Variants in FAM193A observed in about 807,000 individuals in gnomAD.
FAM193A encodes the protein protein FAM193A.
FAM193A carries 22 observed loss-of-function variants against 126.5 expected under a neutral mutation model. The ratio of observed to expected loss-of-function variants is 0.17; its 90% CI spans 0.12 to 0.25. The LOEUF is 0.25. FAM193A is among the 10% of genes least tolerant of loss of function. The pLI is 1.00. For synonymous variants in FAM193A, 761 were observed against 646.8 expected (o/e 1.18, Z -2.68); for missense variants, 1,675 against 1,672.8 (o/e 1.00, Z -0.02).
chr4:2,639,971 A>G, intron 6 of FAM193A, 112 bp downstream of exon 6: 3 of 1,048,272 alleles, frequency 2.9e-6, no homozygotes, highest in Non-Finnish European at 4.0e-6. Context: ...TGCAGGAAAA[A>G]TAACAGGGCT....
chr4:2,691,799 A>G (rs1474471420), intron 15 of FAM193A, among the ~76,000 whole-genome samples: 2 of 152,200 alleles, frequency 1.3e-5, no homozygotes, highest in East Asian at 3.9e-4. Context: ...AGTTAAAAAA[A>G]CAGGAAGTTT....
chr4:2,700,574 T>C, intron 19 of FAM193A, 30 bp downstream of exon 19: 1 of 1,586,056 alleles, frequency 6.3e-7, no homozygotes, highest in Non-Finnish European at 8.6e-7. Flanking sequence ...AAGGTATTTC[T>C]GAGCGATGCC....
intron 13 of FAM193A, among the ~76,000 whole-genome samples, chr4:2,685,766 G>A (rs115990459): frequency 0.015 from 2,345 of 152,350 alleles, 48 homozygotes; most frequent in African/African-American, 0.053. Context: ...CCGAGTGGGT[G>A]TGGGTGGTAG....
chr4:2,615,506 T>TTTTTA (rs1005688395), intron 2 of FAM193A, among the ~76,000 whole-genome samples: 38 of 152,170 alleles, frequency 2.5e-4, no homozygotes, highest in African/African-American at 6.5e-4. Flanking sequence ...CAGAAGTATG[T>TTTTTA]TTTTATTTTA....
At chr4:2,697,402 A>G (rs1441233117) in intron 18 of FAM193A, among the ~76,000 whole-genome samples, 1 of 152,174 alleles carries the variant, frequency 6.6e-6, no homozygotes, top group Non-Finnish European at 1.5e-5. Flanking sequence ...AAATGCCCCT[A>G]TGCTGGAGCA....
intron 13 of FAM193A, among the ~76,000 whole-genome samples, chr4:2,685,718 G>A (rs1168921985): frequency 3.3e-5 from 5 of 152,290 alleles, no homozygotes; most frequent in Admixed American, 1.3e-4. Flanking sequence ...CTCAGTCTGC[G>A]GCTCTTGCTC....
chr4:2,610,909 G>A (rs1462480763), intron 2 of FAM193A, among the ~76,000 whole-genome samples: 1 of 152,048 alleles, frequency 6.6e-6, no homozygotes, highest in Non-Finnish European at 1.5e-5. Context: ...AGCTAGTTGT[G>A]TATTTTTAGT....
chr4:2,572,271 G>T (rs568705550), intron 1 of FAM193A, among the ~76,000 whole-genome samples: 1 of 150,800 alleles, frequency 6.6e-6, no homozygotes, highest in South Asian at 2.1e-4. Flanking sequence ...AGAGGTTGCC[G>T]TGAGCCAAGA....
At chr4:2,632,312 T>G (rs1407678166) in intron 5 of FAM193A, among the ~76,000 whole-genome samples, 1 of 152,146 alleles carries the variant, frequency 6.6e-6, no homozygotes, top group Non-Finnish European at 1.5e-5. Context: ...ATACCTGTAA[T>G]CCTCGCACTT....
chr4:2,696,521 T>C lies in FAM193A; in HGVS notation c.3435T>C (p.Phe1145=). 2 of 1,614,240 alleles carry C rather than the reference T, an allele frequency of 1.2e-6. No homozygotes were observed. Among genetic ancestry groups the C allele is most frequent in the East Asian group, 2.2e-5 (1 of 44,890 alleles). The part of the protein sequence containing the change: ...DHRRVEDLLQ[F]INSSETKPVS... ...GGAGGGTGGAGGATTTGTTGCAGTT[T>C]ATAAATAGCTCCGAAACCAAACCAG... The change falls in exon 18 of 21, where the codon TTT becomes TTC. Residue 1145 remains phenylalanine (F), a synonymous_variant. Coordinates refer to ENST00000637812, the MANE Select transcript of FAM193A (RefSeq NM_001366318.2).
intron 1 of FAM193A, among the ~76,000 whole-genome samples, chr4:2,542,912 T>C (rs1219970620): frequency 1.3e-5 from 2 of 152,088 alleles, no homozygotes; most frequent in African/African-American, 2.4e-5. Flanking sequence ...AGAGGGTGTT[T>C]CTGCATGTGG....
chr4:2,725,857 G>A (rs948421007), intron 20 of FAM193A, among the ~76,000 whole-genome samples: 2 of 151,858 alleles, frequency 1.3e-5, no homozygotes, highest in African/African-American at 4.8e-5. Context: ...GACTACAGGC[G>A]TGGGCCACCA....
chr4:2,682,978 C>T (rs1242927112), intron 13 of FAM193A, among the ~76,000 whole-genome samples: 2 of 152,188 alleles, frequency 1.3e-5, no homozygotes, highest in East Asian at 3.8e-4. Flanking sequence ...TTCTGACCTT[C>T]TATCTGAAGG....
chr4:2,653,412 C>G (rs1277581267), intron 7 of FAM193A, among the ~76,000 whole-genome samples: 8 of 152,180 alleles, frequency 5.3e-5, no homozygotes, highest in Middle Eastern at 6.8e-3. Flanking sequence ...GAAAACCAGT[C>G]TCTTCACTAA....
intron 2 of FAM193A, among the ~76,000 whole-genome samples, chr4:2,606,695 G>A (rs1316533878): frequency 6.6e-6 from 1 of 152,138 alleles, no homozygotes; most frequent in East Asian, 1.9e-4. Context: ...GTTTACTAAG[G>A]TAGACAGATT....
In FAM193A at chr4:2,731,938, C is replaced by A; in HGVS notation, c.*70C>A. Reference sequence around the variant, plus strand: ...GCACCACCCCAAGAGCCACGCCCCTCGCTGGCGCCCCAGAGCCGTGGTGCT... The same window carrying A: ...GCACCACCCCAAGAGCCACGCCCCTAGCTGGCGCCCCAGAGCCGTGGTGCT... On this transcript the variant is annotated 3_prime_UTR_variant, in exon 21 of 21. Coordinates refer to ENST00000637812, the MANE Select transcript of FAM193A (RefSeq NM_001366318.2). 1 of 1,181,810 alleles carries A rather than the reference C, an allele frequency of 8.5e-7. No homozygotes were observed. The highest frequency in any genetic ancestry group is 1.2e-5 in the South Asian group (1 of 82,360). 73.2% of individuals were successfully genotyped at this position (1,181,810 alleles called of 1,614,324 possible). A position where few individuals can be genotyped will look rare whatever the true frequency, so the allele number is the denominator to read the frequency against.
At chr4:2,564,091 ATTTG>A (rs1738791341) in intron 1 of FAM193A, among the ~76,000 whole-genome samples, 1 of 151,944 alleles carries the variant, frequency 6.6e-6, no homozygotes, top group African/African-American at 2.4e-5. Context: ...TATTTATTAT[ATTTG>A]TTTATTTTTT....
At chr4:2,639,452 C>T (rs111718452) in intron 5 of FAM193A, among the ~76,000 whole-genome samples, 16 of 152,238 alleles carry the variant, frequency 1.1e-4, no homozygotes, top group African/African-American at 3.9e-4. Context: ...TGCTTTGTCT[C>T]TGTGCACACC....
chr4:2,636,547 A>T (rs949730205), intron 5 of FAM193A, among the ~76,000 whole-genome samples: 5 of 152,136 alleles, frequency 3.3e-5, no homozygotes, highest in Non-Finnish European at 5.9e-5. Context: ...TTCTCTACTT[A>T]TACATGGTTT....
Sources: gnomAD v4.1 joint callset for allele counts (sites outside exome capture counted in the v4.1 genomes callset) on GRCh38, gnomAD v4.1.1 for gene constraint, MANE v1.5 for transcripts, NCBI Gene and HGNC (gene_info 2026-07-23, HGNC 2026-07-21) for gene names.